The following DCDC1 variants were observed in gnomAD, a reference collection of about 807,000 sequenced individuals.
DCDC1 encodes doublecortin domain-containing protein 1.
Under a neutral mutation model 178.3 loss-of-function variants are expected in DCDC1, and 200 were observed. That is an observed-to-expected ratio of 1.12 (90% CI 1.00 to 1.26). The LOEUF (loss-of-function observed/expected upper bound fraction) is 1.26. Ranked by LOEUF, DCDC1 falls within the 50% of genes most tolerant of loss-of-function variation. The probability of loss-of-function intolerance (pLI) is 0.00; values close to 1 mark genes in which losing one functional copy is unlikely to be tolerated. For missense variants in DCDC1, 1,983 were observed against 1,749.2 expected (o/e 1.13, Z -2.38); for synonymous variants, 690 against 604.8 (o/e 1.14, Z -2.07).
chr11:31,208,787 C>T (rs1230311867), intron 9 of DCDC1, among the ~76,000 whole-genome samples: 1 of 152,180 alleles, frequency 6.6e-6, no homozygotes, highest in African/African-American at 2.4e-5. Context: ...GAAAGCTCTT[C>T]CCACAATAGG....
At position 31,357,530 on chromosome 11, in the gene DCDC1, G is replaced by C. The variant is rs567025868; in HGVS notation, c.-125+12167C>G. Among the ~76,000 whole-genome samples, 154 of 152,306 alleles carry C rather than the reference G, an allele frequency of 1.0e-3. 1 individual carries two copies. Among genetic ancestry groups the C allele is most frequent in the African/African-American group, 3.4e-3 (142 of 41,548 alleles). On this transcript the variant is annotated intron_variant, in intron 1 of 38. Transcript: ENST00000684477. ...GCATTCCCTTTGAAAATTGGCACAA[G>C]ACAGGGATGCCCTCTCTCACCACTC...
At chr11:30,891,998 C>A (rs544519730) in intron 36 of DCDC1, among the ~76,000 whole-genome samples, 4 of 152,138 alleles carry the variant, frequency 2.6e-5, no homozygotes, top group Non-Finnish European at 4.4e-5. Context: ...CCTTTCCACA[C>A]CCCCCACCAC....
At chr11:31,305,496 G>A in intron 6 of DCDC1, 119 bp downstream of exon 6, 1 of 1,305,936 alleles carries the variant, frequency 7.7e-7, no homozygotes, top group Non-Finnish European at 1.0e-6. Flanking sequence ...AGCTGTAAAT[G>A]CGTAAACATT....
intron 9 of DCDC1, among the ~76,000 whole-genome samples, chr11:31,236,251 T>C (rs780096704): frequency 7.2e-5 from 11 of 152,202 alleles, no homozygotes; most frequent in Middle Eastern, 3.4e-3. Context: ...TAGATGGCAA[T>C]ATTGCACTTA....
At chr11:30,917,300 T>C (rs1945913576) in intron 25 of DCDC1, among the ~76,000 whole-genome samples, 2 of 152,200 alleles carry the variant, frequency 1.3e-5, no homozygotes, top group African/African-American at 4.8e-5. Context: ...CTATGTATTG[T>C]ATTTCAAAAA....
At chr11:31,111,948 G>T (rs896903328) in intron 11 of DCDC1, among the ~76,000 whole-genome samples, 6 of 152,102 alleles carry the variant, frequency 3.9e-5, no homozygotes, top group African/African-American at 1.2e-4. Context: ...ACCTTCATTA[G>T]CTCACTACTT....
chr11:31,173,769 C>CATAT (rs143839445), intron 9 of DCDC1, among the ~76,000 whole-genome samples: 1 of 151,476 alleles, frequency 6.6e-6, no homozygotes, highest in Non-Finnish European at 1.5e-5. Context: ...AACACACACA[C>CATAT]ACCCCCACAT....
intron 9 of DCDC1, among the ~76,000 whole-genome samples, chr11:31,233,114 C>A (rs1465693907): frequency 6.6e-6 from 1 of 151,574 alleles, no homozygotes; most frequent in East Asian, 1.9e-4. Context: ...GTCTTATATA[C>A]CTTATTTAAT....
intron 3 of DCDC1, among the ~76,000 whole-genome samples, chr11:31,311,987 C>T (rs577485891): frequency 1.3e-5 from 2 of 152,158 alleles, no homozygotes; most frequent in African/African-American, 4.8e-5. Flanking sequence ...CCCAAAGATT[C>T]TAGTGCTTGG....
At chr11:31,129,325 T>C (rs1183150425) in intron 10 of DCDC1, among the ~76,000 whole-genome samples, 2 of 152,168 alleles carry the variant, frequency 1.3e-5, no homozygotes, top group African/African-American at 2.4e-5. Context: ...TACTTTCTTT[T>C]CCCATATCCC....
At chr11:31,045,023 C>A (rs567624165) in intron 20 of DCDC1, among the ~76,000 whole-genome samples, 1 of 152,158 alleles carries the variant, frequency 6.6e-6, no homozygotes, top group Non-Finnish European at 1.5e-5. Flanking sequence ...ATAATGAAAT[C>A]TATGGTATAC....
chr11:30,866,818 C>G (rs1313547190), intron 38 of DCDC1, among the ~76,000 whole-genome samples: 1 of 152,110 alleles, frequency 6.6e-6, no homozygotes, highest in Non-Finnish European at 1.5e-5. Context: ...CTCCCCAATG[C>G]AACAACGTTG....
intron 15 of DCDC1, among the ~76,000 whole-genome samples, chr11:31,099,587 T>C (rs996452074): frequency 6.6e-6 from 1 of 152,086 alleles, no homozygotes; most frequent in Middle Eastern, 3.2e-3. Flanking sequence ...TTCAATGTCA[T>C]TGTAAATGGC....
At chr11:30,913,422 A>G (rs749626266) in intron 27 of DCDC1, among the ~76,000 whole-genome samples, 5 of 152,064 alleles carry the variant, frequency 3.3e-5, no homozygotes, top group Non-Finnish European at 4.4e-5. Flanking sequence ...AAACAAACAA[A>G]AAAAACTATT....
intron 1 of DCDC1, among the ~76,000 whole-genome samples, chr11:31,355,782 C>T (rs1336611036): frequency 4.6e-5 from 7 of 151,828 alleles, no homozygotes; most frequent in Non-Finnish European, 7.4e-5. Context: ...TTGGCCAGGC[C>T]GGTCTCGAGC....
At chr11:30,874,734 A>T (rs1941958233) in intron 38 of DCDC1, among the ~76,000 whole-genome samples, 1 of 152,158 alleles carries the variant, frequency 6.6e-6, no homozygotes, top group African/African-American at 2.4e-5. Flanking sequence ...GAACTGCCTC[A>T]GCTGGTCTCA....
intron 9 of DCDC1, among the ~76,000 whole-genome samples, chr11:31,236,227 C>T (rs770270183): frequency 1.3e-5 from 2 of 151,972 alleles, no homozygotes; most frequent in Admixed American, 6.6e-5. Context: ...TAATAATTAC[C>T]TATGCACAAA....
chr11:31,040,571 G>C (rs1414468232), intron 20 of DCDC1, among the ~76,000 whole-genome samples: 2 of 152,138 alleles, frequency 1.3e-5, no homozygotes, highest in African/African-American at 2.4e-5. Flanking sequence ...GATTCTAACT[G>C]ATAGCCATAA....
chr11:31,087,825 T>G (rs1488283462), intron 17 of DCDC1, among the ~76,000 whole-genome samples: 1 of 152,166 alleles, frequency 6.6e-6, no homozygotes, highest in Non-Finnish European at 1.5e-5. Context: ...TCTATAAATA[T>G]CAATTAGGTA....
Sources: allele counts gnomAD v4.1 joint callset (sites outside exome capture counted in the v4.1 genomes callset), GRCh38; gene constraint gnomAD v4.1.1; transcripts MANE v1.5; gene names NCBI Gene and HGNC (gene_info 2026-07-23, HGNC 2026-07-21).